LTBR: variants seen among roughly 807,000 people sequenced by gnomAD.
LTBR encodes the protein lymphotoxin beta receptor.
Under a neutral mutation model 45.4 loss-of-function variants are expected in LTBR, and 15 were observed. The observed-to-expected ratio is 0.33, with a 90% CI of 0.22 to 0.51. The LOEUF (loss-of-function observed/expected upper bound fraction) is 0.51, where lower values mean the gene tolerates loss of function less well. Among genes scored for constraint, LTBR ranks in the 20% least tolerant of loss-of-function variants. The probability of loss-of-function intolerance (pLI) is 0.97; values close to 1 mark genes in which losing one functional copy is unlikely to be tolerated. For missense variants in LTBR, 450 were observed against 565.5 expected (o/e 0.80, Z 2.07); for synonymous variants, 228 against 231.0 (o/e 0.99, Z 0.12).
chr12:6,377,177 T>TG, intron 1 of LTBR: 2 of 1,296,956 alleles, frequency 1.5e-6, no homozygotes, highest in South Asian at 1.3e-5. Flanking sequence ...CTTCCTCTCT[T>TG]GCGGCAGTCT....
At chr12:6,380,034 C>T (rs1441855250), upstream of LTBR, among the ~76,000 whole-genome samples, 1 of 151,668 alleles carries the variant, frequency 6.6e-6, no homozygotes, top group Non-Finnish European at 1.5e-5. Context: ...GCACTATTGA[C>T]ATTTTCGGCT....
chr12:6,377,063 C>T lies in LTBR; in HGVS notation c.39+1469C>T, dbSNP rs1379388987. ...ACTGCAGGAGACTCAGGAAGCCTTC[C>T]CAGAGAAGGTGTCATCTCTGCTGAA... is the stretch of plus-strand genomic sequence containing the variant. On this transcript the variant is annotated intron_variant, in intron 1 of 9. Coordinates refer to the LTBR transcript ENST00000539925. The T allele has an allele frequency of 2.5e-4, 137 of 542,566 alleles. 1 individual carries two copies. In the East Asian group the frequency reaches 4.2e-3, roughly 17 times the overall value. The allele number at this position is 542,566 out of a possible 1,614,324, so 33.6% of individuals were successfully genotyped here. A position where few individuals can be genotyped will look rare whatever the true frequency, so the allele number is the denominator to read the frequency against.
Position 6,386,178 on chromosome 12 carries a change from C to A in LTBR, c.569+16C>A. 6.2e-7 allele frequency: 1 copy of A among 1,603,022 alleles called. No homozygotes were observed. The highest frequency in any genetic ancestry group is 8.5e-7 in the Non-Finnish European group (1 of 1,170,292). Reference sequence around the variant, plus strand: ...CCCACACCAGGTGAGTGCAGCCCCACCCAAGCTCCTTCCACCCTCTGAGAA... The same window carrying A: ...CCCACACCAGGTGAGTGCAGCCCCAACCAAGCTCCTTCCACCCTCTGAGAA... On this transcript the variant is annotated intron_variant, in intron 5 of 9. Coordinates refer to ENST00000228918, the MANE Select transcript of LTBR (RefSeq NM_002342.3). This position sits in a 1 kb window ranked among gnomAD's most constrained non-coding sequence, Gnocchi z 4.1.
chr12:6,381,759 C>G (rs3759329), upstream of LTBR, among the ~76,000 whole-genome samples: 63,007 of 151,984 alleles, frequency 0.41, 13,375 homozygotes, highest in South Asian at 0.49. Context: ...TGGATCACAA[C>G]ATCAGGAGTT....
upstream of LTBR, among the ~76,000 whole-genome samples, chr12:6,380,867 G>T (rs11833291): frequency 2.6e-5 from 4 of 151,908 alleles, no homozygotes; most frequent in Non-Finnish European, 5.9e-5. Flanking sequence ...CTCGGTCTGG[G>T]TCTGGTGTTG....
upstream of LTBR, chr12:6,375,212 C>T (rs1208424712): frequency 3.3e-5 from 48 of 1,443,902 alleles, 1 homozygote; most frequent in African/African-American, 1.4e-5. Context: ...CCCTCTCTAT[C>T]TGCCTTCTGT....
chr12:6,379,151 G>A (rs1184290826), intron 1 of LTBR, among the ~76,000 whole-genome samples: 2 of 152,024 alleles, frequency 1.3e-5, no homozygotes, highest in East Asian at 1.9e-4. Context: ...GTATACATCC[G>A]TTTGGGGTCC....
chr12:6,384,702 G>T lies in LTBR; in HGVS notation c.193+18G>T. 1 of 1,611,462 alleles carries T rather than the reference G, an allele frequency of 6.2e-7. No homozygotes were observed. The highest frequency in any genetic ancestry group is 2.2e-5 in the East Asian group (1 of 44,864). ...CCCGCCAGGTGAGAGGCAATGGCAG[G>T]ACGAACCTGGGCCTCGGAAGTGGGT... On this transcript the variant is annotated intron_variant, in intron 2 of 9. Transcript: ENST00000228918.
chr12:6,388,436 T>A lies in LTBR; in HGVS notation c.706T>A (p.Phe236Ile), dbSNP rs752649179. ...LMLAVLLPLAFFLLLATVFSC... is the reference protein window; with the variant it reads ...LMLAVLLPLAIFLLLATVFSC... Reference sequence around the variant, plus strand: ...GCTGGCCGTTCTGCTGCCACTGGCCTTCTTTCTGCTCCTTGCCACCGTCTT... The same window carrying A: ...GCTGGCCGTTCTGCTGCCACTGGCCATCTTTCTGCTCCTTGCCACCGTCTT... The change falls in exon 7 of 10, where the codon TTC becomes ATC. Residue 236 changes from phenylalanine (F) to isoleucine (I), a missense_variant. Physicochemically the swap from Phe to Ile is conservative, Grantham distance 21 (BLOSUM62 0). Transcript: ENST00000228918. This position sits in a 1 kb window ranked among gnomAD's most constrained non-coding sequence, Gnocchi z 4.3. 7 of 1,613,966 alleles carry A rather than the reference T, an allele frequency of 4.3e-6. No individual in the cohort carries two copies. The East Asian group carries it at 8.9e-5, about 21-fold the overall frequency.
At chr12:6,377,914 C>T (rs1039038603) in intron 1 of LTBR, among the ~76,000 whole-genome samples, 4 of 152,184 alleles carry the variant, frequency 2.6e-5, no homozygotes, top group Admixed American at 6.5e-5. Context: ...AGTGGCAATG[C>T]GAGCCTAGTG....
At chr12:6,384,093 G>A (rs1592097345), upstream of LTBR, 6 of 1,257,428 alleles carry the variant, frequency 4.8e-6, no homozygotes, top group East Asian at 1.3e-4. Flanking sequence ...CTCTTCCCTG[G>A]GCTGCGATTG....
At chr12:6,389,835 G>T in intron 8 of LTBR, 4 of 351,464 alleles carry the variant, frequency 1.1e-5, no homozygotes, top group Non-Finnish European at 1.6e-5. Flanking sequence ...TAGCCAGACA[G>T]TCCCAGCTAC....
Position 6,386,291 on chromosome 12 carries a change from T to C in LTBR, c.570-56T>C. The C allele has an allele frequency of 6.6e-7, 1 of 1,525,700 alleles. No homozygotes were observed. 94.5% of individuals were successfully genotyped at this position (1,525,700 alleles called of 1,614,324 possible). A position where few individuals can be genotyped will look rare whatever the true frequency, so the allele number is the denominator to read the frequency against. ...CAGCCTCCCCGCCTGCCCAGTGGAG[T>C]CGGGACACTGGTGGGCCAGGGCGTG... is the stretch of plus-strand genomic sequence containing the variant. On this transcript the variant is annotated intron_variant, in intron 5 of 9. Coordinates refer to ENST00000228918, the MANE Select transcript of LTBR (RefSeq NM_002342.3). The surrounding 1 kb of genome is among the most constrained non-coding windows in gnomAD (Gnocchi z 4.1).
chr12:6,386,282 C>A lies in LTBR; in HGVS notation c.570-65C>A. 6.6e-7 allele frequency: 1 copy of A among 1,506,560 alleles called. No homozygotes were observed. The highest frequency in any genetic ancestry group is 9.2e-7 in the Non-Finnish European group (1 of 1,084,284). The allele number at this position is 1,506,560 out of a possible 1,614,324, so 93.3% of individuals were successfully genotyped here. A position where few individuals can be genotyped will look rare whatever the true frequency, so the allele number is the denominator to read the frequency against. On this transcript the variant is annotated intron_variant, in intron 5 of 9. Coordinates refer to ENST00000228918, the MANE Select transcript of LTBR (RefSeq NM_002342.3). This position sits in a 1 kb window ranked among gnomAD's most constrained non-coding sequence, Gnocchi z 4.1. ...CACCACTTTCAGCCTCCCCGCCTGC[C>A]CAGTGGAGTCGGGACACTGGTGGGC...
intron 4 of LTBR, 57 bp downstream of exon 4, chr12:6,385,436 A>G (rs915454620): frequency 4.4e-6 from 7 of 1,597,996 alleles, no homozygotes; most frequent in African/African-American, 4.0e-5. Context: ...AGGGATCTCA[A>G]GTGGGAGCAG....
intron 1 of LTBR, chr12:6,375,635 C>T (rs777145578): frequency 6.0e-5 from 90 of 1,488,638 alleles, no homozygotes; most frequent in South Asian, 1.8e-4. Context: ...GAGTCAGAGC[C>T]GGGAGTTTTC....
In LTBR at chr12:6,386,633, A is replaced by G; in HGVS notation, c.667+189A>G. Reference sequence around the variant, plus strand: ...CACACACACACACACACACACACACACACTTTTAAAATTATATATACTGTA... The same window carrying G: ...CACACACACACACACACACACACACGCACTTTTAAAATTATATATACTGTA... On this transcript the variant is annotated intron_variant, in intron 6 of 9. Transcript: ENST00000228918. The surrounding 1 kb of genome is among the most constrained non-coding windows in gnomAD (Gnocchi z 4.1). The G allele has an allele frequency of 3.6e-6, 2 of 562,440 alleles. No individual in the cohort carries two copies. Among genetic ancestry groups the G allele is most frequent in the Non-Finnish European group, 6.4e-6 (2 of 312,472 alleles). 34.8% of individuals were successfully genotyped at this position (562,440 alleles called of 1,614,324 possible).
chr12:6,389,802 CAAAA>C (rs71067110), intron 8 of LTBR: 429 of 104,038 alleles, frequency 4.1e-3, no homozygotes, highest in East Asian at 0.018. Flanking sequence ...GACTCTGTCT[CAAAA>C]AAAAAAAAAA....
intron 1 of LTBR, chr12:6,376,105 C>G: frequency 7.1e-6 from 7 of 988,500 alleles, no homozygotes; most frequent in Non-Finnish European, 8.4e-6. Flanking sequence ...CAAGGGCACC[C>G]ACAGGTCAGC....
Sources: allele counts gnomAD v4.1 joint callset (sites outside exome capture counted in the v4.1 genomes callset), GRCh38; gene constraint gnomAD v4.1.1; non-coding constraint Gnocchi (gnomAD v3.1); transcripts MANE v1.5; gene names NCBI Gene and HGNC (gene_info 2026-07-23, HGNC 2026-07-21).